EIF2AK1: variants seen among roughly 807,000 people sequenced by gnomAD.
The protein encoded by EIF2AK1 is eukaryotic translation initiation factor 2-alpha kinase 1.
Under a neutral mutation model 77.9 loss-of-function variants are expected in EIF2AK1, and 54 were observed. The ratio of observed to expected loss-of-function variants is 0.69; its 90% CI spans 0.56 to 0.87. The LOEUF (loss-of-function observed/expected upper bound fraction) is 0.87, where lower values mean the gene tolerates loss of function less well. EIF2AK1 is among the 40% of genes least tolerant of loss of function. The pLI, the probability that EIF2AK1 is intolerant of heterozygous loss-of-function variation, is 0.00. For synonymous variants in EIF2AK1, 314 were observed against 290.5 expected, an observed-to-expected ratio of 1.08 and a Z score of -0.82; for missense variants, 810 against 768.6, an observed-to-expected ratio of 1.05 and a Z score of -0.64.
chr7:6,031,540 G>A (rs1309091474), intron 11 of EIF2AK1: 1 of 1,550,694 alleles, frequency 6.4e-7, no homozygotes, highest in Non-Finnish European at 8.7e-7. Flanking sequence ...CTGTCAACCA[G>A]CCCATCACCA....
rs1562750876 is a variant in EIF2AK1, at chr7:6,041,157, GTGGGCTCAGCAAAGATAA to G, written c.836_853del (p.Ile279_Pro284del). The G allele has an allele frequency of 6.2e-7, 1 of 1,613,756 alleles. No homozygotes were observed. Among genetic ancestry groups the G allele is most frequent in the African/African-American group, 1.3e-5 (1 of 74,804 alleles). Reference sequence around the variant, plus strand: ...TCCAAAGCGTTTTTCTTTTTCTGGGGTGGGCTCAGCAAAGATAATGGATGAGCTGCTACTTTCATCATT... The same window carrying G: ...TCCAAAGCGTTTTTCTTTTTCTGGGGTGGATGAGCTGCTACTTTCATCATT... On this transcript the variant is annotated inframe_deletion, in exon 9 of 15. Transcript: ENST00000199389.
At chr7:6,042,794 A>C in intron 8 of EIF2AK1, 139 bp downstream of exon 8, 1 of 619,676 alleles carries the variant, frequency 1.6e-6, no homozygotes, top group South Asian at 2.1e-5. Flanking sequence ...GCAACACAGG[A>C]GGCGGAGGTT....
intron 2 of EIF2AK1, among the ~76,000 whole-genome samples, chr7:6,051,121 C>T (rs913386728): frequency 1.6e-4 from 24 of 152,136 alleles, no homozygotes; most frequent in African/African-American, 5.8e-4. Context: ...TTCATCGTCA[C>T]GAAATACCTT....
chr7:6,031,767 A>G (rs1787919438), intron 11 of EIF2AK1, among the ~76,000 whole-genome samples: 1 of 152,076 alleles, frequency 6.6e-6, no homozygotes, highest in Non-Finnish European at 1.5e-5. Context: ...TCCCCTACAC[A>G]TGTCACACAC....
chr7:6,028,105 G>T (rs1281868805), intron 13 of EIF2AK1: 2 of 349,102 alleles, frequency 5.7e-6, no homozygotes, highest in Admixed American at 7.8e-5. Flanking sequence ...GACATCTGTG[G>T]ATTTTGAAAT....
chr7:6,024,642 CAGTTAACTACCTTA>C lies in EIF2AK1; in HGVS notation c.*17_*30del. ...TAATAAAGATTAAAAATTTACATTCCAGTTAACTACCTTAAAAGTTAAGTCCACTTTCATCCCAC... is the reference window on the plus strand; with the variant it reads ...TAATAAAGATTAAAAATTTACATTCCAAAGTTAAGTCCACTTTCATCCCAC... On this transcript the variant is annotated 3_prime_UTR_variant, in exon 15 of 15. Transcript: ENST00000199389. 6.2e-7 allele frequency: 1 copy of C among 1,613,332 alleles called. No individual in the cohort carries two copies. Among genetic ancestry groups the C allele is most frequent in the Non-Finnish European group, 8.5e-7 (1 of 1,179,758 alleles).
At chr7:6,026,220 C>T (rs960798894) in intron 14 of EIF2AK1, among the ~76,000 whole-genome samples, 1 of 152,138 alleles carries the variant, frequency 6.6e-6, no homozygotes, top group Non-Finnish European at 1.5e-5. Context: ...AAAACACCCT[C>T]GAGGGACCCG....
chr7:6,054,115 A>G (rs1346715087), intron 2 of EIF2AK1, among the ~76,000 whole-genome samples: 1 of 151,958 alleles, frequency 6.6e-6, no homozygotes, highest in Non-Finnish European at 1.5e-5. Flanking sequence ...AGCCTCTGGG[A>G]ACCATCATTC....
rs1175882400 is a variant in EIF2AK1, at chr7:6,046,090, G to C, written c.611C>G (p.Thr204Ser). ...AIKKILIKGA[T>S]KTVCMKVLRE... ...TCATACCTTCATGCAAACTGTTTTA[G>C]TTGCACCCTTAATCAGGATTTTTTT... is the stretch of plus-strand genomic sequence containing the variant. Residue 204 changes from threonine to serine, a missense_variant, in exon 6 of 15, where the codon ACT becomes AGT. Physicochemically the swap from Thr to Ser is moderately conservative, Grantham distance 58. Around this residue, in one of 3 missense-constraint regions of EIF2AK1, gnomAD observed 549 missense variants for 533.7 expected, o/e 1.03. Transcript: ENST00000199389. 1 of 1,563,956 alleles carries C rather than the reference G, an allele frequency of 6.4e-7. No individual in the cohort carries two copies. Among genetic ancestry groups the C allele is most frequent in the African/African-American group, 1.4e-5 (1 of 72,240 alleles).
chr7:6,054,799 TA>T, intron 1 of EIF2AK1, 95 bp from the exon 2 acceptor site: 1 of 1,269,528 alleles, frequency 7.9e-7, no homozygotes, highest in Non-Finnish European at 1.1e-6. Flanking sequence ...ATGAAATATT[TA>T]AATGTAAGCA....
chr7:6,041,098 C>T lies in EIF2AK1; in HGVS notation c.913G>A (p.Val305Met), dbSNP rs1052770382. The change falls in exon 9 of 15, where the codon GTG (valine) becomes ATG (methionine). Residue 305 changes from valine (V) to methionine (M), a missense_variant. Val to Met is a conservative substitution (Grantham distance 21). Transcript: ENST00000199389. ...ATGACTAAATTGGTGGTGTACTTCA[C>T]CGACTTGTTATTCTGATTTTCAGTG... ...SDTENQNNKS[V>M]KYTTNLVIRE... is the part of the protein sequence containing the mutation. The T allele has an allele frequency of 5.0e-6, 8 of 1,614,096 alleles. No individual in the cohort carries two copies. Among genetic ancestry groups the T allele is most frequent in the Non-Finnish European group, 5.9e-6 (7 of 1,180,028 alleles).
intron 7 of EIF2AK1, 117 bp downstream of exon 7, chr7:6,044,445 A>T: frequency 4.9e-6 from 4 of 812,890 alleles, no homozygotes; most frequent in Non-Finnish European, 7.6e-6. Context: ...CTCAAAAAAA[A>T]ATATGTAAAA....
chr7:6,059,011 G>A lies in EIF2AK1; in HGVS notation c.73C>T (p.Pro25Ser), dbSNP rs1303407258. The A allele has an allele frequency of 6.5e-7, 1 of 1,540,888 alleles. No individual in the cohort carries two copies. Among genetic ancestry groups the A allele is most frequent in the Admixed American group, 2.0e-5 (1 of 50,604 alleles). The part of the protein sequence containing the change: ...GDGAGAVAAP[P>S]AIDFPAEGPD... ...CCCTCGGCGGGAAAGTCGATGGCCGGCGGCGCAGCCACAGCCCCAGCCCCG... is the reference window on the plus strand; with the variant it reads ...CCCTCGGCGGGAAAGTCGATGGCCGACGGCGCAGCCACAGCCCCAGCCCCG... Residue 25 changes from proline (P) to serine (S), a missense_variant, in exon 1 of 15, where the codon CCG becomes TCG. This residue lies in a region of EIF2AK1 where 246 missense variants were observed against 199.0 expected (regional missense o/e 1.24). Coordinates refer to ENST00000199389, the MANE Select transcript of EIF2AK1 (RefSeq NM_014413.4).
In EIF2AK1 at chr7:6,059,034, C is replaced by A. The variant is rs1246312914; in HGVS notation, c.50G>T (p.Gly17Val). 1.3e-6 allele frequency: 2 copies of A among 1,518,602 alleles called. No homozygotes were observed. The highest frequency in any genetic ancestry group is 1.8e-6 in the Non-Finnish European group (2 of 1,138,562). The allele number at this position is 1,518,602 out of a possible 1,614,324, so 94.1% of individuals were successfully genotyped here. ...CGGCGGCGCAGCCACAGCCCCAGCCCCGTCGCCCTCCTCTTCGCGCTTGCG... is the reference window on the plus strand; with the variant it reads ...CGGCGGCGCAGCCACAGCCCCAGCCACGTCGCCCTCCTCTTCGCGCTTGCG... ...GVRKREEEGD[G>V]AGAVAAPPAI... The change falls in exon 1 of 15, where the codon GGG becomes GTG. Residue 17 changes from glycine (G) to valine (V), a missense_variant. Physicochemically the swap from Gly to Val is moderately radical, Grantham distance 109 (BLOSUM62 -3). This residue lies in a region of EIF2AK1 where 246 missense variants were observed against 199.0 expected (regional missense o/e 1.24). Coordinates refer to ENST00000199389, the MANE Select transcript of EIF2AK1 (RefSeq NM_014413.4).
Position 6,049,929 on chromosome 7 carries a change from TAGCA to T in EIF2AK1, c.390_393del (p.Ala131LysfsTer23), listed in dbSNP as rs1788557425. The T allele has an allele frequency of 6.2e-7, 1 of 1,611,730 alleles. No homozygotes were observed. The highest frequency in any genetic ancestry group is 1.3e-5 in the African/African-American group (1 of 74,864). ...GGGCTTACCTGACGAACTCTCTCTTTAGCAGACCTCATTAAGTGAGTAATAGCTC... is the reference window on the plus strand; with the variant it reads ...GGGCTTACCTGACGAACTCTCTCTTTGACCTCATTAAGTGAGTAATAGCTC... On this transcript the variant is annotated frameshift_variant, in exon 3 of 15. Transcript: ENST00000199389. LOFTEE classifies it high-confidence loss of function.
Position 6,056,611 on chromosome 7 carries a change from AAAATAT to A in EIF2AK1, c.119-1913_119-1908del, listed in dbSNP as rs1442145757. ...TCCATCTCAAGGGAAAAAAAAAAAA[AAAATAT>A]ATATATATATATATATATAAACTCT... On this transcript the variant is annotated intron_variant, in intron 1 of 14. Transcript: ENST00000199389. Among the ~76,000 whole-genome samples, 191 of 31,166 alleles carry A rather than the reference AAAATAT, an allele frequency of 6.1e-3. 1 individual carries two copies. Among genetic ancestry groups the A allele is most frequent in the Non-Finnish European group, 0.012 (161 of 13,016 alleles). The allele number at this position is 31,166 out of a possible 152,430, so 20.4% of individuals were successfully genotyped here.
intron 4 of EIF2AK1, among the ~76,000 whole-genome samples, chr7:6,048,313 T>C (rs773294920): frequency 6.6e-6 from 1 of 152,214 alleles, no homozygotes; most frequent in African/African-American, 2.4e-5. Context: ...GGATATTTCA[T>C]AGAAATGAAA....
At chr7:6,034,700 T>G (rs1255042668) in intron 11 of EIF2AK1, among the ~76,000 whole-genome samples, 1 of 152,238 alleles carries the variant, frequency 6.6e-6, no homozygotes. Context: ...AAAATCATTT[T>G]CTAATTTCAG....
At chr7:6,026,593 C>G in intron 14 of EIF2AK1, 135 bp downstream of exon 14, 1 of 752,866 alleles carries the variant, frequency 1.3e-6, no homozygotes, top group Non-Finnish European at 2.4e-6. Context: ...CGAGAACAAA[C>G]AGGCCCCGCC....
Sources: allele counts gnomAD v4.1 joint callset (sites outside exome capture counted in the v4.1 genomes callset), GRCh38; gene constraint gnomAD v4.1.1; regional missense constraint gnomAD v4.1.1; transcripts MANE v1.5; gene names NCBI Gene and HGNC (gene_info 2026-07-23, HGNC 2026-07-21).